BMERB1: variants seen among roughly 807,000 people sequenced by gnomAD.
The protein encoded by BMERB1 is bMERB domain-containing protein 1.
In BMERB1, 12 loss-of-function variants were observed where a neutral mutation model predicts 23.6. That is an observed-to-expected ratio of 0.51 (90% CI 0.33 to 0.82). The LOEUF is 0.82. BMERB1 is among the 40% of genes least tolerant of loss of function. The pLI, the probability that BMERB1 is intolerant of heterozygous loss-of-function variation, is 0.03. For synonymous variants in BMERB1, 122 were observed against 96.6 expected (o/e 1.26, Z -1.54); for missense variants, 247 against 255.4 (o/e 0.97, Z 0.22).
intron 5 of BMERB1, chr16:15,584,237 G>C (rs1360053041): frequency 1.3e-5 from 7 of 552,202 alleles, no homozygotes; most frequent in Admixed American, 3.2e-5. Context: ...TTTAACTGCT[G>C]TATTAGTGAG....
At chr16:15,460,456 C>A (rs1176050697) in intron 1 of BMERB1, among the ~76,000 whole-genome samples, 1 of 152,004 alleles carries the variant, frequency 6.6e-6, no homozygotes, top group African/African-American at 2.4e-5. Flanking sequence ...GCAAAATCAC[C>A]CTCTTTTTCA....
chr16:15,548,903 G>T (rs2030000552), intron 2 of BMERB1, among the ~76,000 whole-genome samples: 2 of 152,180 alleles, frequency 1.3e-5, no homozygotes, highest in Admixed American at 1.3e-4. Context: ...CAGGAGCAGG[G>T]CTAAGCTGAG....
At chr16:15,558,307 T>C (rs796884894) in intron 2 of BMERB1, among the ~76,000 whole-genome samples, 3 of 151,954 alleles carry the variant, frequency 2.0e-5, no homozygotes, top group South Asian at 2.1e-4. Context: ...TCCCTGAAGA[T>C]GGAATTTAGG....
intron 1 of BMERB1, among the ~76,000 whole-genome samples, chr16:15,510,033 C>A (rs553964948): frequency 2.0e-5 from 3 of 152,278 alleles, no homozygotes; most frequent in South Asian, 2.1e-4. Flanking sequence ...ACCGTAATTA[C>A]TTTTGCACCA....
chr16:15,494,080 TTGTC>T (rs570947252), intron 1 of BMERB1, among the ~76,000 whole-genome samples: 12 of 152,208 alleles, frequency 7.9e-5, no homozygotes, highest in Non-Finnish European at 1.6e-4. Context: ...AGATTTATAA[TTGTC>T]TGTTTTCATG....
intron 1 of BMERB1, among the ~76,000 whole-genome samples, chr16:15,470,515 CTTTTTCTT>C (rs2051219237): frequency 1.4e-5 from 2 of 141,160 alleles, no homozygotes; most frequent in Non-Finnish European, 3.1e-5. Context: ...TGGAGTGTTC[CTTTTTCTT>C]TCTTTCTTTC....
At chr16:15,528,592 G>A (rs2051933023) in intron 2 of BMERB1, among the ~76,000 whole-genome samples, 1 of 151,362 alleles carries the variant, frequency 6.6e-6, no homozygotes, top group Non-Finnish European at 1.5e-5. Flanking sequence ...ACTCCCTTGG[G>A]CCTCCTTTTA....
rs185954008 is a variant in BMERB1, at chr16:15,439,619, T to C, written c.106+4860T>C. On this transcript the variant is annotated intron_variant, in intron 1 of 5. Transcript: ENST00000300006. ...TTACAAACCATCTAGTATTTTCTCC[T>C]TTGAGAAAGGTTCAAAGTAATTGCT... Among the ~76,000 whole-genome samples, 281 of 152,298 alleles carry C rather than the reference T, an allele frequency of 1.8e-3. 1 individual carries two copies. Among genetic ancestry groups the C allele is most frequent in the African/African-American group, 6.5e-3 (270 of 41,564 alleles).
At chr16:15,572,728 T>G (rs1465076755) in intron 3 of BMERB1, among the ~76,000 whole-genome samples, 2 of 152,194 alleles carry the variant, frequency 1.3e-5, no homozygotes, top group African/African-American at 4.8e-5. Context: ...ACTCAACTTG[T>G]GATATGGTTT....
intron 2 of BMERB1, among the ~76,000 whole-genome samples, chr16:15,541,337 T>C (rs983429252): frequency 1.3e-5 from 2 of 151,762 alleles, no homozygotes; most frequent in African/African-American, 4.8e-5. Flanking sequence ...TGGATCTCAC[T>C]GTTCAAGAGC....
rs749718364 is a variant in BMERB1 at position 15,586,875 on chromosome 16, C to G, written c.*46C>G. The G allele has an allele frequency of 3.5e-5, 44 of 1,268,522 alleles. No individual in the cohort carries two copies. The highest frequency in any genetic ancestry group is 4.5e-5 in the Non-Finnish European group (41 of 909,820). 78.6% of individuals were successfully genotyped at this position (1,268,522 alleles called of 1,614,324 possible). A position where few individuals can be genotyped will look rare whatever the true frequency, so the allele number is the denominator to read the frequency against. ...GGCCATGGGGACCCCCCCCCACCCT[C>G]TTGTCTTTATAGCCCCCATTTCACC... On this transcript the variant is annotated 3_prime_UTR_variant, in exon 6 of 6. Transcript: ENST00000300006.
At chr16:15,452,343 A>G (rs1055187078) in intron 1 of BMERB1, among the ~76,000 whole-genome samples, 1 of 45,286 alleles carries the variant, frequency 2.2e-5, no homozygotes, top group African/African-American at 7.5e-5. Context: ...AGAGAGAGAG[A>G]GAGAGAGAGA....
intron 1 of BMERB1, among the ~76,000 whole-genome samples, chr16:15,470,075 A>G (rs923181120): frequency 2.0e-5 from 3 of 152,176 alleles, no homozygotes. Context: ...TTAGGGAGAA[A>G]AAAATCAGGT....
chr16:15,526,939 T>C (rs1293834079), intron 2 of BMERB1, among the ~76,000 whole-genome samples: 1 of 148,012 alleles, frequency 6.8e-6, no homozygotes, highest in Non-Finnish European at 1.5e-5. Context: ...TAAATAATAA[T>C]AAAATATAAT....
intron 2 of BMERB1, among the ~76,000 whole-genome samples, chr16:15,563,461 T>C (rs1432981482): frequency 2.0e-5 from 3 of 151,984 alleles, no homozygotes; most frequent in Non-Finnish European, 2.9e-5. Context: ...CCTCGTGATC[T>C]GCCCACCTCG....
At chr16:15,517,982 GATGTGTGTGC>G (rs749138138) in intron 2 of BMERB1, among the ~76,000 whole-genome samples, 212 of 140,388 alleles carry the variant, frequency 1.5e-3, no homozygotes, top group Non-Finnish European at 2.0e-3. Context: ...TGTGCGTGTG[GATGTGTGTGC>G]ATGTGTGGAT....
intron 3 of BMERB1, among the ~76,000 whole-genome samples, chr16:15,578,416 A>G (rs1457696146): frequency 1.3e-5 from 2 of 152,154 alleles, no homozygotes; most frequent in African/African-American, 4.8e-5. Flanking sequence ...GTCCATGCTA[A>G]TAAGTATGAC....
chr16:15,474,781 G>T (rs568809839), intron 1 of BMERB1, among the ~76,000 whole-genome samples: 1 of 151,492 alleles, frequency 6.6e-6, no homozygotes, highest in African/African-American at 2.4e-5. Context: ...CTCTGCCTCC[G>T]GTGTTCAAGC....
At chr16:15,538,757 TTCTCTTTGG>T (rs2052051547) in intron 2 of BMERB1, among the ~76,000 whole-genome samples, 1 of 152,214 alleles carries the variant, frequency 6.6e-6, no homozygotes, top group Admixed American at 6.5e-5. Context: ...TATTTGGTTT[TTCTCTTTGG>T]TCTCATTTAG....
Sources: allele counts gnomAD v4.1 joint callset (sites outside exome capture counted in the v4.1 genomes callset), GRCh38; gene constraint gnomAD v4.1.1; transcripts MANE v1.5; gene names NCBI Gene and HGNC (gene_info 2026-07-23, HGNC 2026-07-21).